The following CTBP2 variants were observed in gnomAD, a reference collection of about 807,000 sequenced individuals.
CTBP2 encodes C-terminal binding protein 2.
Under a neutral mutation model 80.3 loss-of-function variants are expected in CTBP2, and 30 were observed. The observed-to-expected ratio is 0.37, with a 90% CI of 0.28 to 0.51. The LOEUF (loss-of-function observed/expected upper bound fraction) is 0.51. CTBP2 is among the 20% of genes least tolerant of loss of function. The pLI, the probability that CTBP2 is intolerant of heterozygous loss-of-function variation, is 0.93. For synonymous variants in CTBP2, 594 were observed against 587.4 expected (o/e 1.01, Z -0.16); for missense variants, 1,212 against 1,375.3 (o/e 0.88, Z 1.88).
intron 1 of CTBP2, chr10:125,005,560 G>C (rs766831200): frequency 6.2e-7 from 1 of 1,611,326 alleles, no homozygotes; most frequent in South Asian, 1.1e-5. Context: ...CCCACGACCT[G>C]TATGAGTGGA....
At chr10:125,123,708 C>G (rs1423034886) in intron 1 of CTBP2, among the ~76,000 whole-genome samples, 3 of 152,320 alleles carry the variant, frequency 2.0e-5, no homozygotes, top group Non-Finnish European at 4.4e-5. Context: ...CATCCTGTCT[C>G]TCGAGAAGCC....
At chr10:124,994,720 C>A in intron 4 of CTBP2, 37 bp from the exon 7 acceptor site, 1 of 1,602,842 alleles carries the variant, frequency 6.2e-7, no homozygotes, top group Non-Finnish European at 8.5e-7. Context: ...AGTGAGTCCA[C>A]AGCCCGCGCC....
intron 2 of CTBP2, among the ~76,000 whole-genome samples, chr10:125,077,771 C>G (rs1266676731): frequency 6.6e-6 from 1 of 152,198 alleles, no homozygotes. Context: ...CACGGGACCC[C>G]TGGCCCTCTG....
intron 1 of CTBP2, among the ~76,000 whole-genome samples, chr10:125,114,188 C>T (rs868127574): frequency 6.6e-6 from 1 of 152,146 alleles, no homozygotes; most frequent in Non-Finnish European, 1.5e-5. Flanking sequence ...AACCAGCAAC[C>T]GCAGGAGCTG....
chr10:125,148,648 G>T (rs1210545238), intron 1 of CTBP2, among the ~76,000 whole-genome samples: 1 of 152,174 alleles, frequency 6.6e-6, no homozygotes, highest in African/African-American at 2.4e-5. Flanking sequence ...CTACGGACAT[G>T]AGAGCCTCAA....
intron 2 of CTBP2, among the ~76,000 whole-genome samples, chr10:125,046,181 TA>T (rs768583173): frequency 2.0e-5 from 3 of 152,042 alleles, no homozygotes; most frequent in Non-Finnish European, 4.4e-5. Context: ...AGAAAGAATA[TA>T]AAAAATAGAC....
At chr10:125,086,856 G>C (rs768251816) in intron 2 of CTBP2, among the ~76,000 whole-genome samples, 2 of 152,114 alleles carry the variant, frequency 1.3e-5, no homozygotes, top group Non-Finnish European at 2.9e-5. Flanking sequence ...CACTGAGAAA[G>C]CCAGGCCCTC....
chr10:125,051,610 A>G (rs1347017745), intron 2 of CTBP2, among the ~76,000 whole-genome samples: 2 of 151,912 alleles, frequency 1.3e-5, no homozygotes, highest in African/African-American at 4.8e-5. Flanking sequence ...ACTGCACACT[A>G]GCCTGGGCAA....
chr10:125,076,232 C>T (rs1017696585), intron 2 of CTBP2, among the ~76,000 whole-genome samples: 8 of 152,310 alleles, frequency 5.3e-5, no homozygotes, highest in South Asian at 2.1e-4. Flanking sequence ...CCTGAGCAAA[C>T]GTGGCTTAAG....
At position 125,026,204 on chromosome 10, in the gene CTBP2, A is replaced by G. The variant is rs143593820; in HGVS notation, c.1556T>C (p.Leu519Pro). The G allele has an allele frequency of 3.1e-6, 5 of 1,613,274 alleles. No homozygotes were observed. In the African/African-American group the frequency reaches 6.7e-5, roughly 22 times the overall value. Residue 519 changes from leucine to proline, a missense_variant, in exon 1 of 9, where the codon CTG becomes CCG. This residue lies in a region of CTBP2 where 848 missense variants were observed against 782.3 expected (regional missense o/e 1.08). Coordinates refer to ENST00000309035, the MANE Select transcript of CTBP2 (RefSeq NM_022802.3). ...GGCCGGCGGCAGGGTGGATGGCCCCAGGGGTGCACCTGGCTTCCGCAAGAC... is the reference window on the plus strand; with the variant it reads ...GGCCGGCGGCAGGGTGGATGGCCCCGGGGGTGCACCTGGCTTCCGCAAGAC...
chr10:125,099,613 A>C (rs988959627), intron 2 of CTBP2, among the ~76,000 whole-genome samples: 2 of 152,256 alleles, frequency 1.3e-5, no homozygotes, highest in Non-Finnish European at 2.9e-5. Context: ...CTGCCTTAGA[A>C]AACCATCAAC....
At chr10:125,130,938 T>G (rs1244524606) in intron 1 of CTBP2, among the ~76,000 whole-genome samples, 2 of 152,202 alleles carry the variant, frequency 1.3e-5, no homozygotes, top group Non-Finnish European at 2.9e-5. Context: ...TCCGACCCAC[T>G]GTATCTCAAA....
At chr10:125,069,886 C>CT (rs1481886464) in intron 2 of CTBP2, among the ~76,000 whole-genome samples, 2 of 118,122 alleles carry the variant, frequency 1.7e-5, no homozygotes, top group Non-Finnish European at 3.9e-5. Flanking sequence ...CCCTGCCCCC[C>CT]TCCCCCCCCC....
rs1209900343 is a variant in CTBP2 at position 125,026,290 on chromosome 10, C to T, written c.1470G>A (p.Leu490=). The change falls in exon 1 of 9, where the codon CTG becomes CTA. Residue 490 remains leucine (L), a synonymous_variant. Coordinates refer to ENST00000309035, the MANE Select transcript of CTBP2 (RefSeq NM_022802.3). ...CGGCCACGTTGCGCTCCCTCTTTAG[C>T]AGCTCCATGGGCACCGTGTATGCCG... is the stretch of plus-strand genomic sequence containing the variant. 3.7e-6 allele frequency: 6 copies of T among 1,613,938 alleles called. No homozygotes were observed. The highest frequency in any genetic ancestry group is 5.1e-6 in the Non-Finnish European group (6 of 1,179,958).
chr10:125,090,722 T>A (rs1351505834), intron 2 of CTBP2, among the ~76,000 whole-genome samples: 1 of 151,044 alleles, frequency 6.6e-6, no homozygotes, highest in Non-Finnish European at 1.5e-5. Flanking sequence ...GTGCTGGCAC[T>A]CACCCTGGAC....
At chr10:125,073,434 G>C (rs1052671538) in intron 2 of CTBP2, among the ~76,000 whole-genome samples, 1 of 152,202 alleles carries the variant, frequency 6.6e-6, no homozygotes, top group African/African-American at 2.4e-5. Context: ...AGTAGAGACA[G>C]GGCTTCACCA....
rs370542092 is a variant in CTBP2 at position 125,003,330 on chromosome 10, G to A, written c.1833+8C>T. 1.2e-6 allele frequency: 2 copies of A among 1,607,176 alleles called. No homozygotes were observed. The highest frequency in any genetic ancestry group is 2.7e-5 in the African/African-American group (2 of 74,492). ...AGTGCAGGCCCCGGCCGGGCAGGGT[G>A]GGCCCACCTTCTCGTGGATTTCCTG... On this transcript the variant is annotated splice_region_variant and intron_variant, in intron 2 of 8. Coordinates refer to ENST00000309035, the MANE Select transcript of CTBP2 (RefSeq NM_022802.3).
chr10:125,026,629 T>C lies in CTBP2; in HGVS notation c.1131A>G (p.Glu377=). 3.9e-6 allele frequency: 6 copies of C among 1,527,806 alleles called. No individual in the cohort carries two copies. The highest frequency in any genetic ancestry group is 5.3e-6 in the Non-Finnish European group (6 of 1,123,446). The allele number at this position is 1,527,806 out of a possible 1,614,324, so 94.6% of individuals were successfully genotyped here. Residue 377 remains glutamate, a synonymous_variant, in exon 1 of 9, where the codon GAA becomes GAG. Transcript: ENST00000309035. ...GAGAAGCCAAGTCACCATGGAGCAGTTCGCTTCGGTGGCTGAAGCTGCTGG... is the reference window on the plus strand; with the variant it reads ...GAGAAGCCAAGTCACCATGGAGCAGCTCGCTTCGGTGGCTGAAGCTGCTGG...
rs371231962 is a variant in CTBP2 at position 125,018,455 on chromosome 10, A to C, written c.1678+7627T>G. 9.2e-5 allele frequency among the ~76,000 whole-genome samples: 14 copies of C among 152,136 alleles called. No homozygotes were observed. The East Asian group carries it at 2.5e-3, about 27-fold the overall frequency. On this transcript the variant is annotated intron_variant, in intron 1 of 8. Transcript: ENST00000309035. ...CAGTGAGCCGAGATTGTTCCACTGC[A>C]CTCCAGCCTGGGTGACAGAGCAAGA...
Sources: gnomAD v4.1 joint callset for allele counts (sites outside exome capture counted in the v4.1 genomes callset) on GRCh38, gnomAD v4.1.1 for gene constraint, gnomAD v4.1.1 regional missense constraint, MANE v1.5 for transcripts, NCBI Gene and HGNC (gene_info 2026-07-23, HGNC 2026-07-21) for gene names.